The following CEP128 variants were observed in gnomAD, a reference collection of about 807,000 sequenced individuals.
The protein encoded by CEP128 is centrosomal protein 128, also known as centrosomal protein 128kDa.
CEP128 carries 132 observed loss-of-function variants against 156.7 expected under a neutral mutation model. That is an observed-to-expected ratio of 0.84 (90% CI 0.73 to 0.97). The LOEUF is 0.97. Ranked by LOEUF, CEP128 falls within the 50% of genes least tolerant of loss-of-function variation. The pLI is 0.00. For synonymous variants in CEP128, 469 were observed against 448.9 expected, an observed-to-expected ratio of 1.04 and a Z score of -0.57; for missense variants, 1,252 against 1,281.9, an observed-to-expected ratio of 0.98 and a Z score of 0.36.
chr14:80,923,136 C>G (rs182836928), intron 2 of CEP128, among the ~76,000 whole-genome samples: 2 of 152,322 alleles, frequency 1.3e-5, no homozygotes, highest in Admixed American at 1.3e-4. Flanking sequence ...TATTTAGCTG[C>G]TCCCAACAAA....
intron 19 of CEP128, among the ~76,000 whole-genome samples, chr14:80,594,388 A>T (rs1055403723): frequency 6.6e-6 from 1 of 152,218 alleles, no homozygotes; most frequent in African/African-American, 2.4e-5. Flanking sequence ...AACCTAGGCA[A>T]TACCATTCAG....
intron 24 of CEP128, among the ~76,000 whole-genome samples, chr14:80,504,116 A>G (rs1392248880): frequency 6.6e-6 from 1 of 152,222 alleles, no homozygotes; most frequent in Non-Finnish European, 1.5e-5. Context: ...CCATTAAATA[A>G]CATTTGGATC....
intron 19 of CEP128, among the ~76,000 whole-genome samples, chr14:80,676,876 A>G (rs1896085315): frequency 6.6e-6 from 1 of 152,186 alleles, no homozygotes; most frequent in Non-Finnish European, 1.5e-5. Context: ...GACAAAGCCA[A>G]CCTGACCATT....
intron 2 of CEP128, among the ~76,000 whole-genome samples, chr14:80,918,100 T>C (rs184433324): frequency 3.3e-5 from 5 of 152,336 alleles, no homozygotes; most frequent in Admixed American, 1.3e-4. Context: ...GTACCCATGA[T>C]GTCACTCCCT....
At chr14:80,941,750 CA>C (rs1481109011), upstream of CEP128, 4 of 152,834 alleles carry the variant, frequency 2.6e-5, no homozygotes, top group African/African-American at 9.7e-5. Context: ...GCCGCCCAGC[CA>C]CAGCAAGAGT....
At chr14:80,646,846 C>A (rs900431484) in intron 19 of CEP128, among the ~76,000 whole-genome samples, 9 of 150,928 alleles carry the variant, frequency 6.0e-5, no homozygotes, top group Admixed American at 5.3e-4. Context: ...CTACTATGGC[C>A]AATTATGTTA....
intron 19 of CEP128, among the ~76,000 whole-genome samples, chr14:80,691,181 T>C (rs981264833): frequency 6.6e-6 from 1 of 152,238 alleles, no homozygotes; most frequent in South Asian, 2.1e-4. Flanking sequence ...ATCATTCTTA[T>C]GTTCCTGGCC....
chr14:80,569,782 C>G (rs906588271), intron 20 of CEP128, among the ~76,000 whole-genome samples: 11 of 152,030 alleles, frequency 7.2e-5, no homozygotes, highest in African/African-American at 2.4e-4. Flanking sequence ...TTGGTTGAAA[C>G]CAATCAAAGC....
At chr14:80,761,700 G>A (rs1326935044) in intron 16 of CEP128, 87 bp from the exon 17 acceptor site, 1 of 935,190 alleles carries the variant, frequency 1.1e-6, no homozygotes, top group Non-Finnish European at 1.6e-6. Context: ...CCAACTAGAA[G>A]TGGATTTGAA....
intron 20 of CEP128, among the ~76,000 whole-genome samples, chr14:80,580,139 C>T (rs1024369572): frequency 1.3e-5 from 2 of 152,196 alleles, no homozygotes; most frequent in African/African-American, 4.8e-5. Context: ...TCCTATTATG[C>T]TATACCAAGG....
At chr14:80,485,757 G>A (rs1290429232), downstream of CEP128, among the ~76,000 whole-genome samples, 3 of 152,190 alleles carry the variant, frequency 2.0e-5, no homozygotes, top group Non-Finnish European at 4.4e-5. Context: ...GTTTTCTCGA[G>A]TGGAAGGCCA....
At chr14:80,784,214 T>G (rs1461271268) in intron 15 of CEP128, among the ~76,000 whole-genome samples, 1 of 150,406 alleles carries the variant, frequency 6.6e-6, no homozygotes, top group Non-Finnish European at 1.5e-5. Context: ...CCTCAGAGAG[T>G]CTTCATTTCA....
At chr14:80,491,928 C>A (rs1285020037), downstream of CEP128, among the ~76,000 whole-genome samples, 1 of 152,152 alleles carries the variant, frequency 6.6e-6, no homozygotes, top group African/African-American at 2.4e-5. Flanking sequence ...GTGTTCATAT[C>A]ATTTTACAGA....
chr14:80,652,192 T>G (rs746894435), intron 19 of CEP128, among the ~76,000 whole-genome samples: 1 of 151,862 alleles, frequency 6.6e-6, no homozygotes, highest in Non-Finnish European at 1.5e-5. Flanking sequence ...AAAAATTAAA[T>G]CAGGCTGGAT....
intron 21 of CEP128, among the ~76,000 whole-genome samples, chr14:80,557,718 A>C (rs1800135875): frequency 6.6e-6 from 1 of 152,162 alleles, no homozygotes; most frequent in East Asian, 1.9e-4. Context: ...AATCAAAATC[A>C]CTTGCTTGCA....
At chr14:80,544,735 T>C (rs957706596) in intron 21 of CEP128, among the ~76,000 whole-genome samples, 3 of 152,224 alleles carry the variant, frequency 2.0e-5, no homozygotes, top group African/African-American at 7.2e-5. Context: ...TATTTTCATA[T>C]TATTTTAGTT....
At chr14:80,689,290 CAAAAAAAAA>C (rs57054840) in intron 19 of CEP128, among the ~76,000 whole-genome samples, 5 of 96,646 alleles carry the variant, frequency 5.2e-5, no homozygotes, top group African/African-American at 1.5e-4. Context: ...GACTCCGTCT[CAAAAAAAAA>C]AAAAAAAAAA....
chr14:80,615,354 G>T (rs555754343), intron 19 of CEP128, among the ~76,000 whole-genome samples: 1 of 152,180 alleles, frequency 6.6e-6, no homozygotes, highest in East Asian at 1.9e-4. Context: ...TGACCCTCTT[G>T]GCTAGCCAGG....
In CEP128 at chr14:80,496,845, C is replaced by T. The variant is rs544176289; in HGVS notation, c.*634G>A. 6.6e-6 allele frequency: 1 copy of T among 152,310 alleles called. No individual in the cohort carries two copies. The highest frequency in any genetic ancestry group is 2.4e-5 in the African/African-American group (1 of 41,550). 9.4% of individuals were successfully genotyped at this position (152,310 alleles called of 1,614,324 possible). On this transcript the variant is annotated 3_prime_UTR_variant, in exon 25 of 25. Coordinates refer to ENST00000555265, the MANE Select transcript of CEP128 (RefSeq NM_152446.5). ...GCTATGAATTCTTTACAGTGCTCTA[C>T]AGTTCAGATATCATTTATGAATTCT...
Sources: allele counts gnomAD v4.1 joint callset (sites outside exome capture counted in the v4.1 genomes callset), GRCh38; gene constraint gnomAD v4.1.1; transcripts MANE v1.5; gene names NCBI Gene and HGNC (gene_info 2026-07-23, HGNC 2026-07-21).